The following TENM4 variants were observed in gnomAD, a reference collection of about 807,000 sequenced individuals.
TENM4 encodes teneurin-4.
A neutral mutation model predicts 243.3 loss-of-function variants in TENM4; 82 were observed. The observed-to-expected ratio is 0.34, with a 90% CI of 0.28 to 0.40. The LOEUF (loss-of-function observed/expected upper bound fraction) is 0.40, where lower values mean the gene tolerates loss of function less well. TENM4 is among the 10% of genes least tolerant of loss of function. The pLI, the probability that TENM4 is intolerant of heterozygous loss-of-function variation, is 1.00. For missense variants in TENM4, 3,138 were observed against 3,673.3 expected, an observed-to-expected ratio of 0.85 and a Z score of 3.77; for synonymous variants, 1,412 against 1,456.3, an observed-to-expected ratio of 0.97 and a Z score of 0.69.
chr11:79,012,007 C>G (rs1298393682), intron 6 of TENM4, among the ~76,000 whole-genome samples: 1 of 152,170 alleles, frequency 6.6e-6, no homozygotes, highest in Non-Finnish European at 1.5e-5. Context: ...AGTTGGTGGG[C>G]AGCAGCCAAG....
chr11:79,157,067 T>C (rs2135073183), intron 3 of TENM4, among the ~76,000 whole-genome samples: 1 of 152,186 alleles, frequency 6.6e-6, no homozygotes, highest in East Asian at 1.9e-4. Context: ...GAAGGGGACT[T>C]GGAGATCACT....
chr11:78,892,789 A>G (rs1855699065), intron 7 of TENM4, among the ~76,000 whole-genome samples: 1 of 152,266 alleles, frequency 6.6e-6, no homozygotes, highest in East Asian at 1.9e-4. Context: ...TTGGCAAAGC[A>G]AAGCTTGTAG....
rs552644831 is a variant in TENM4 at position 78,758,635 on chromosome 11, C to T, written c.2540-1614G>A. On this transcript the variant is annotated intron_variant, in intron 18 of 33. Coordinates refer to ENST00000278550, the MANE Select transcript of TENM4 (RefSeq NM_001098816.3). ...ATGCATTGGTTAGACTTGGTGTCCCCGATCCTCCTTGCTAGTGGTGTGGCC... is the reference window on the plus strand; with the variant it reads ...ATGCATTGGTTAGACTTGGTGTCCCTGATCCTCCTTGCTAGTGGTGTGGCC... Among the ~76,000 whole-genome samples the T allele has an allele frequency of 8.5e-5, 13 of 152,300 alleles. No homozygotes were observed. The South Asian group carries it at 2.7e-3, about 32-fold the overall frequency.
At chr11:78,885,400 GC>G (rs1350264344) in intron 9 of TENM4, among the ~76,000 whole-genome samples, 6 of 152,208 alleles carry the variant, frequency 3.9e-5, no homozygotes, top group African/African-American at 1.4e-4. Context: ...AGATCCCACA[GC>G]TGTGTGAGGG....
intron 4 of TENM4, among the ~76,000 whole-genome samples, chr11:79,129,286 G>T (rs1476420714): frequency 6.6e-6 from 1 of 152,132 alleles, no homozygotes; most frequent in Non-Finnish European, 1.5e-5. Context: ...GTGGCCAGAG[G>T]TGGCGGGGTG....
intron 5 of TENM4, among the ~76,000 whole-genome samples, chr11:79,068,878 A>G (rs1236186533): frequency 1.3e-5 from 2 of 152,154 alleles, no homozygotes; most frequent in African/African-American, 4.8e-5. Flanking sequence ...AAAAACAGAA[A>G]CAGATTTGGG....
intron 6 of TENM4, among the ~76,000 whole-genome samples, chr11:78,983,367 C>T (rs569039447): frequency 1.3e-5 from 2 of 152,336 alleles, no homozygotes; most frequent in South Asian, 4.1e-4. Context: ...TAAAACAAAC[C>T]TGTTAGATAT....
intron 3 of TENM4, chr11:79,191,775 C>T (rs894123112): frequency 5.2e-6 from 1 of 191,332 alleles, no homozygotes; most frequent in Non-Finnish European, 1.1e-5. Context: ...TCGTCCCGGC[C>T]GCGACCCCGT....
At chr11:79,235,945 C>G (rs1236407962) in intron 2 of TENM4, among the ~76,000 whole-genome samples, 1 of 152,098 alleles carries the variant, frequency 6.6e-6, no homozygotes, top group African/African-American at 2.4e-5. Flanking sequence ...GGTTCAAGCT[C>G]TTCCTTCTGT....
chr11:79,142,130 G>T (rs1332418927), intron 4 of TENM4, among the ~76,000 whole-genome samples: 1 of 152,006 alleles, frequency 6.6e-6, no homozygotes, highest in Non-Finnish European at 1.5e-5. Context: ...ACTGGAGCTA[G>T]AGCAATCAGA....
intron 6 of TENM4, chr11:79,014,584 T>A (rs1267223213): frequency 6.6e-6 from 1 of 152,218 alleles, no homozygotes; most frequent in African/African-American, 2.4e-5. Flanking sequence ...TGCACTTCAT[T>A]AGGCCCCAAA....
At chr11:78,724,802 C>T (rs1432305408) in intron 23 of TENM4, among the ~76,000 whole-genome samples, 1 of 152,228 alleles carries the variant, frequency 6.6e-6, no homozygotes, top group Non-Finnish European at 1.5e-5. Flanking sequence ...TGGGAGGTGT[C>T]CTTACAATGC....
In TENM4 at chr11:78,859,114, G is replaced by A. The variant is rs61143797; in HGVS notation, c.1256-2936C>T. Among the ~76,000 whole-genome samples the A allele has an allele frequency of 1.9e-3, 283 of 152,280 alleles. 2 individuals carry two copies. The highest frequency in any genetic ancestry group is 4.4e-3 in the East Asian group (23 of 5,184). ...TGACCTTCTTAAAGATCAAGAGTCC[G>A]ATAGGATTCACAGCCCCAGCAGGCT... On this transcript the variant is annotated intron_variant, in intron 10 of 33. Transcript: ENST00000278550.
intron 2 of TENM4, among the ~76,000 whole-genome samples, chr11:79,219,015 G>A (rs932849500): frequency 6.6e-6 from 1 of 152,182 alleles, no homozygotes; most frequent in Admixed American, 6.5e-5. Context: ...ACATAGCCAC[G>A]GAGAACTATA....
rs1049825782 is a variant in TENM4 at position 79,215,899 on chromosome 11, CG to C, written c.-255del. The C allele has an allele frequency of 3.1e-6, 3 of 980,038 alleles. No individual in the cohort carries two copies. Among genetic ancestry groups the C allele is most frequent in the African/African-American group, 3.5e-5 (2 of 57,066 alleles). 60.7% of individuals were successfully genotyped at this position (980,038 alleles called of 1,614,324 possible). A position where few individuals can be genotyped will look rare whatever the true frequency, so the allele number is the denominator to read the frequency against. On this transcript the variant is annotated 5_prime_UTR_variant, in exon 3 of 34. Coordinates refer to ENST00000278550, the MANE Select transcript of TENM4 (RefSeq NM_001098816.3). ...GGCCATTGGATCCTGGAGGATGGTG[CG>C]GGATCTTTTCTGTTGAAGCAGAGAA...
chr11:79,289,433 G>A (rs1437871846), intron 2 of TENM4, among the ~76,000 whole-genome samples: 2 of 152,204 alleles, frequency 1.3e-5, no homozygotes, highest in East Asian at 3.9e-4. Flanking sequence ...TCCAGGAATG[G>A]CCTTCAGCCC....
chr11:78,919,383 ATTC>A (rs147464910), intron 6 of TENM4, among the ~76,000 whole-genome samples: 7,610 of 152,054 alleles, frequency 0.05, 219 homozygotes, highest in Middle Eastern at 0.11. Flanking sequence ...AGGCTTGTTG[ATTC>A]TTCTTCTCTG....
intron 25 of TENM4, among the ~76,000 whole-genome samples, chr11:78,718,715 T>C (rs147062105): frequency 1.3e-5 from 2 of 152,220 alleles, no homozygotes; most frequent in Non-Finnish European, 2.9e-5. Flanking sequence ...GTATCATCCA[T>C]ACAAATCTCA....
At chr11:78,843,815 G>C (rs571932315) in intron 12 of TENM4, among the ~76,000 whole-genome samples, 2 of 152,346 alleles carry the variant, frequency 1.3e-5, no homozygotes, top group Non-Finnish European at 2.9e-5. Context: ...CCTGAGGACA[G>C]AAAGAGCCTT....
Sources: allele counts gnomAD v4.1 joint callset (sites outside exome capture counted in the v4.1 genomes callset), GRCh38; gene constraint gnomAD v4.1.1; transcripts MANE v1.5; gene names NCBI Gene and HGNC (gene_info 2026-07-23, HGNC 2026-07-21).